SLC25A40: variants seen among roughly 807,000 people sequenced by gnomAD.
SLC25A40 encodes solute carrier family 25 member 40, also known as mitochondrial glutathione transporter SLC25A40.
A neutral mutation model predicts 46.5 loss-of-function variants in SLC25A40; 41 were observed. The ratio of observed to expected loss-of-function variants is 0.88; its 90% confidence interval spans 0.69 to 1.14. SLC25A40 has a LOEUF of 1.14. Ranked by LOEUF, SLC25A40 falls within the 50% of genes most tolerant of loss-of-function variation. SLC25A40 has a pLI of 0.00. For missense variants in SLC25A40, 386 were observed against 393.6 expected (o/e 0.98, Z 0.16); for synonymous variants, 126 against 127.5 (o/e 0.99, Z 0.08).
At chr7:87,852,732 C>A (rs1472258063) in intron 5 of SLC25A40, among the ~76,000 whole-genome samples, 1 of 152,024 alleles carries the variant, frequency 6.6e-6, no homozygotes, top group Non-Finnish European at 1.5e-5. Context: ...CAATATGCCC[C>A]ACTGATTTTT....
chr7:87,851,618 A>G (rs923006393), intron 5 of SLC25A40, among the ~76,000 whole-genome samples: 3 of 152,210 alleles, frequency 2.0e-5, no homozygotes, highest in African/African-American at 7.2e-5. Flanking sequence ...TCACCCAGCA[A>G]TGAGACTACC....
intron 8 of SLC25A40, among the ~76,000 whole-genome samples, chr7:87,844,315 C>G (rs1158315003): frequency 4.6e-5 from 7 of 151,968 alleles, no homozygotes; most frequent in African/African-American, 1.4e-4. Context: ...TTAACAAAAC[C>G]ATGGGATCAT....
intron 10 of SLC25A40, among the ~76,000 whole-genome samples, chr7:87,840,944 A>C (rs879804911): frequency 6.6e-5 from 10 of 151,948 alleles, no homozygotes; most frequent in Middle Eastern, 3.4e-3. Context: ...CACAAGACTT[A>C]CATAATTTTG....
At chr7:87,841,601 T>A (rs1442936991) in intron 10 of SLC25A40, 32 bp downstream of exon 10, 2 of 1,308,102 alleles carry the variant, frequency 1.5e-6, no homozygotes, top group Non-Finnish European at 2.1e-6. Context: ...AAAAATGGCA[T>A]CTTAAAAATA....
At chr7:87,843,922 A>T (rs917783800) in intron 8 of SLC25A40, 59 bp from the exon 9 acceptor site, 143 of 1,469,420 alleles carry the variant, frequency 9.7e-5, no homozygotes, top group Admixed American at 5.1e-4. Context: ...GACTTTAATA[A>T]AAGAGTTATG....
chr7:87,843,670 A>C (rs1010002197), intron 9 of SLC25A40, 84 bp downstream of exon 9: 2 of 991,830 alleles, frequency 2.0e-6, no homozygotes, highest in Non-Finnish European at 3.0e-6. Flanking sequence ...AGTGGATCTC[A>C]ATATACATGA....
chr7:87,839,788 G>A (rs1838304932), intron 10 of SLC25A40, among the ~76,000 whole-genome samples: 1 of 151,742 alleles, frequency 6.6e-6, no homozygotes, highest in Admixed American at 6.6e-5. Context: ...AATGAATGAA[G>A]AACAGAAGAA....
At chr7:87,842,150 A>C (rs1294635525) in intron 9 of SLC25A40, 1 of 201,668 alleles carries the variant, frequency 5.0e-6, no homozygotes, top group Admixed American at 5.8e-5. Context: ...ATAAAAAATT[A>C]AATTTGAATA....
rs1354425535 is a variant in SLC25A40 at position 87,836,248 on chromosome 7, A to G, written c.*1T>C. The G allele has an allele frequency of 6.4e-7, 1 of 1,570,220 alleles. No individual in the cohort carries two copies. Among genetic ancestry groups the G allele is most frequent in the Middle Eastern group, 1.7e-4 (1 of 5,946 alleles). On this transcript the variant is annotated 3_prime_UTR_variant, in exon 12 of 12. Transcript: ENST00000341119. ...TGTTGTTTCAAGTTGAAACAGCATC[A>G]CTAGTATTGCTGCCTTCGAACATTT...
chr7:87,841,186 T>C (rs1838330376), intron 10 of SLC25A40, among the ~76,000 whole-genome samples: 1 of 149,230 alleles, frequency 6.7e-6, no homozygotes, highest in Non-Finnish European at 1.5e-5. Context: ...TACATATATA[T>C]AATCAAAAAA....
At chr7:87,841,552 C>T in intron 10 of SLC25A40, 81 bp downstream of exon 10, 2 of 741,522 alleles carry the variant, frequency 2.7e-6, no homozygotes, top group Admixed American at 3.8e-5. Flanking sequence ...TCTTGTTTTC[C>T]TTATTTTAGA....
chr7:87,859,391 G>A (rs188923697), intron 2 of SLC25A40, among the ~76,000 whole-genome samples: 31 of 152,016 alleles, frequency 2.0e-4, no homozygotes, highest in African/African-American at 7.2e-4. Flanking sequence ...GCAGTGAGCC[G>A]AGATCGCACC....
chr7:87,846,739 C>T (rs1486077800), intron 8 of SLC25A40, among the ~76,000 whole-genome samples: 1 of 150,676 alleles, frequency 6.6e-6, no homozygotes, highest in Non-Finnish European at 1.5e-5. Flanking sequence ...GCAAATTAAT[C>T]ACAAGGAAAA....
chr7:87,866,051 C>T (rs953276798), intron 1 of SLC25A40, among the ~76,000 whole-genome samples: 1 of 151,680 alleles, frequency 6.6e-6, no homozygotes, highest in African/African-American at 2.4e-5. Context: ...CCACTGTACT[C>T]CAGCCGAGGC....
At chr7:87,875,832 C>G (rs533685451) in intron 1 of SLC25A40, among the ~76,000 whole-genome samples, 18 of 152,362 alleles carry the variant, frequency 1.2e-4, no homozygotes, top group Admixed American at 9.1e-4. Context: ...CCTGGCCAGA[C>G]CCTCCCTCAG....
At chr7:87,874,602 A>G (rs1487044704) in intron 1 of SLC25A40, among the ~76,000 whole-genome samples, 3 of 152,220 alleles carry the variant, frequency 2.0e-5, no homozygotes, top group Non-Finnish European at 4.4e-5. Flanking sequence ...TGTCCTGGGG[A>G]TGAAGGAACT....
intron 8 of SLC25A40, among the ~76,000 whole-genome samples, chr7:87,844,924 C>T (rs1432114660): frequency 1.3e-5 from 2 of 152,020 alleles, no homozygotes; most frequent in Non-Finnish European, 2.9e-5. Flanking sequence ...AAAGAGATGA[C>T]ATTCCTAGGG....
At chr7:87,873,947 T>A (rs926026976) in intron 1 of SLC25A40, among the ~76,000 whole-genome samples, 10 of 152,202 alleles carry the variant, frequency 6.6e-5, no homozygotes, top group African/African-American at 1.7e-4. Context: ...CTACCCTTCC[T>A]CTGAAGAAAT....
chr7:87,856,903 C>CA (rs2131011146), intron 3 of SLC25A40, among the ~76,000 whole-genome samples: 1 of 152,152 alleles, frequency 6.6e-6, no homozygotes, highest in Non-Finnish European at 1.5e-5. Flanking sequence ...AAACAAATGC[C>CA]AAATAATGTT....
Sources: gnomAD v4.1 joint callset for allele counts (sites outside exome capture counted in the v4.1 genomes callset) on GRCh38, gnomAD v4.1.1 for gene constraint, MANE v1.5 for transcripts, NCBI Gene and HGNC (gene_info 2026-07-23, HGNC 2026-07-21) for gene names.